Variants in SIDT1 observed in about 807,000 individuals in gnomAD.
SIDT1 encodes the protein SID1 transmembrane family, member 1.
SIDT1 carries 101 observed loss-of-function variants against 107.5 expected under a neutral mutation model. That is an observed-to-expected ratio of 0.94 (90% confidence interval 0.80 to 1.11). The LOEUF (loss-of-function observed/expected upper bound fraction) is 1.11, where lower values mean the gene tolerates loss of function less well. Among genes scored for constraint, SIDT1 ranks in the 50% least tolerant of loss-of-function variants. SIDT1 has a pLI of 0.00. For synonymous variants in SIDT1, 395 were observed against 398.2 expected (o/e 0.99, Z 0.10); for missense variants, 1,076 against 1,058.2 (o/e 1.02, Z -0.23).
chr3:113,533,055 G>T lies in SIDT1; in HGVS notation c.34G>T (p.Ala12Ser), dbSNP rs555850314. 1 of 1,457,762 alleles carries T rather than the reference G, an allele frequency of 6.9e-7. No individual in the cohort carries two copies. The highest frequency in any genetic ancestry group is 9.0e-7 in the Non-Finnish European group (1 of 1,106,394). 90.3% of individuals were successfully genotyped at this position (1,457,762 alleles called of 1,614,324 possible). Residue 12 changes from alanine to serine, a missense_variant, in exon 1 of 25, where the codon GCG becomes TCG. Transcript: ENST00000264852. ...RGCLRLALLC[A>S]LPWLLLAASP... ...CTGCCTGCGGCTCGCGCTGCTCTGCGCGCTGCCCTGGCTCCTGCTGGCGGC... is the reference window on the plus strand; with the variant it reads ...CTGCCTGCGGCTCGCGCTGCTCTGCTCGCTGCCCTGGCTCCTGCTGGCGGC...
chr3:113,556,825 T>TTTTTTTTC (rs1386460727), intron 1 of SIDT1, among the ~76,000 whole-genome samples: 1 of 139,458 alleles, frequency 7.2e-6, no homozygotes, highest in East Asian at 2.1e-4. Flanking sequence ...CTTTTTCTTT[T>TTTTTTTTC]TTTTTTTTTT....
intron 1 of SIDT1, among the ~76,000 whole-genome samples, chr3:113,542,497 G>A (rs934185066): frequency 2.6e-5 from 4 of 151,834 alleles, no homozygotes; most frequent in South Asian, 2.1e-4. Context: ...ACATTATCAC[G>A]ATATTTATTA....
intron 1 of SIDT1, among the ~76,000 whole-genome samples, chr3:113,561,857 A>G (rs1272805235): frequency 6.6e-6 from 1 of 152,190 alleles, no homozygotes; most frequent in African/African-American, 2.4e-5. Context: ...ATCTGACATT[A>G]AGTACTTAAG....
At chr3:113,632,186 A>AT (rs1947099322), downstream of SIDT1, among the ~76,000 whole-genome samples, 1 of 152,242 alleles carries the variant, frequency 6.6e-6, no homozygotes, top group Non-Finnish European at 1.5e-5. Context: ...AGATTTAAAC[A>AT]GTGAAAGATT....
intron 9 of SIDT1, among the ~76,000 whole-genome samples, chr3:113,592,311 C>T (rs1576882326): frequency 2.0e-5 from 3 of 152,104 alleles, no homozygotes; most frequent in African/African-American, 4.8e-5. Flanking sequence ...CAATTATTTT[C>T]GCACCAATCT....
At chr3:113,551,824 G>GGTGTGTGTGTGT (rs56860179) in intron 1 of SIDT1, among the ~76,000 whole-genome samples, 7 of 147,222 alleles carry the variant, frequency 4.8e-5, no homozygotes, top group African/African-American at 1.5e-4. Flanking sequence ...AAGTTTTAGG[G>GGTGTGTGTGTGT]GTGTGTGTGT....
chr3:113,537,141 G>A (rs528158537), intron 1 of SIDT1, among the ~76,000 whole-genome samples: 14 of 152,226 alleles, frequency 9.2e-5, no homozygotes, highest in Admixed American at 1.3e-4. Context: ...TCTTCTCTGA[G>A]GTTTTCCTGT....
intron 10 of SIDT1, among the ~76,000 whole-genome samples, chr3:113,595,548 C>T (rs756169932): frequency 6.0e-5 from 9 of 150,326 alleles, no homozygotes; most frequent in Non-Finnish European, 1.2e-4. Context: ...CACTGCACTC[C>T]AACTTAGGTG....
intron 19 of SIDT1, chr3:113,615,174 T>G (rs771738622): frequency 4.7e-5 from 63 of 1,339,788 alleles, no homozygotes; most frequent in Non-Finnish European, 6.2e-5. Flanking sequence ...AACAGCCTCT[T>G]TCAGGCCGGG....
chr3:113,538,874 G>T (rs1012822359), intron 1 of SIDT1, among the ~76,000 whole-genome samples: 2 of 152,184 alleles, frequency 1.3e-5, no homozygotes, highest in African/African-American at 2.4e-5. Flanking sequence ...CTACGTCAAA[G>T]GTGGTATGGT....
chr3:113,542,859 AG>A, intron 1 of SIDT1, among the ~76,000 whole-genome samples: 1 of 151,682 alleles, frequency 6.6e-6, no homozygotes, highest in Non-Finnish European at 1.5e-5. Flanking sequence ...TTCCTCAGGC[AG>A]GGCTTTTTCT....
chr3:113,600,045 C>T (rs756424746), intron 10 of SIDT1, among the ~76,000 whole-genome samples: 3 of 152,112 alleles, frequency 2.0e-5, no homozygotes, highest in Non-Finnish European at 2.9e-5. Context: ...CATGGTGGCT[C>T]ACGCCTGTAA....
downstream of SIDT1, among the ~76,000 whole-genome samples, chr3:113,634,562 G>A (rs137906040): frequency 9.3e-3 from 1,411 of 152,168 alleles, 14 homozygotes; most frequent in Non-Finnish European, 0.011. Flanking sequence ...TTGGGAGGTC[G>A]AGGCAAGTGG....
At chr3:113,634,270 G>C (rs540403483), downstream of SIDT1, among the ~76,000 whole-genome samples, 1 of 152,286 alleles carries the variant, frequency 6.6e-6, no homozygotes, top group East Asian at 1.9e-4. Flanking sequence ...TGCCCTCTTA[G>C]TGAGATCTTA....
chr3:113,548,715 A>T (rs929070857), intron 1 of SIDT1, among the ~76,000 whole-genome samples: 3 of 152,148 alleles, frequency 2.0e-5, no homozygotes, highest in African/African-American at 7.2e-5. Context: ...TACAAATGTT[A>T]TTAGACTAAC....
At chr3:113,589,749 G>C (rs1218812907) in intron 9 of SIDT1, 1 of 152,458 alleles carries the variant, frequency 6.6e-6, no homozygotes, top group Non-Finnish European at 1.5e-5. Flanking sequence ...GGTCAGACTG[G>C]TCTTGAATTC....
intron 19 of SIDT1, chr3:113,615,113 G>A: frequency 6.5e-7 from 1 of 1,534,944 alleles, no homozygotes; most frequent in Non-Finnish European, 8.7e-7. Context: ...GGTCTAGATT[G>A]TTTTTGTATC....
At chr3:113,609,775 G>T (rs1241143954) in intron 17 of SIDT1, among the ~76,000 whole-genome samples, 1 of 152,080 alleles carries the variant, frequency 6.6e-6, no homozygotes, top group Non-Finnish European at 1.5e-5. Flanking sequence ...TGCAGAGAAT[G>T]ATATCATTCA....
intron 1 of SIDT1, among the ~76,000 whole-genome samples, chr3:113,548,448 C>T (rs751598514): frequency 2.4e-4 from 36 of 152,074 alleles, no homozygotes; most frequent in Non-Finnish European, 5.0e-4. Flanking sequence ...TACTGTCTCT[C>T]TAGTTTTGCC....
Sources: allele counts gnomAD v4.1 joint callset (sites outside exome capture counted in the v4.1 genomes callset), GRCh38; gene constraint gnomAD v4.1.1; transcripts MANE v1.5; gene names NCBI Gene and HGNC (gene_info 2026-07-23, HGNC 2026-07-21).